Variants in MRPL1 observed in about 807,000 individuals in gnomAD.
MRPL1 encodes large ribosomal subunit protein uL1m.
MRPL1 carries 28 observed loss-of-function variants against 38.0 expected under a neutral mutation model. The observed-to-expected ratio is 0.74, with a 90% confidence interval of 0.55 to 1.01. The LOEUF (loss-of-function observed/expected upper bound fraction) is 1.01, where lower values mean the gene tolerates loss of function less well. MRPL1 is among the 50% of genes least tolerant of loss of function. MRPL1 has a pLI of 0.00. For missense variants in MRPL1, 358 were observed against 389.8 expected (o/e 0.92, Z 0.69); for synonymous variants, 123 against 126.7 (o/e 0.97, Z 0.20).
chr4:77,935,592 C>T (rs980089546), intron 7 of MRPL1, among the ~76,000 whole-genome samples: 6 of 152,148 alleles, frequency 3.9e-5, no homozygotes, highest in African/African-American at 7.2e-5. Context: ...GATAGGGTTT[C>T]GCCATGTTGG....
chr4:77,890,174 C>CA (rs1217030180), intron 5 of MRPL1, among the ~76,000 whole-genome samples: 1 of 151,872 alleles, frequency 6.6e-6, no homozygotes, highest in East Asian at 1.9e-4. Flanking sequence ...AGAGACACGA[C>CA]AAAAAAAGAG....
intron 5 of MRPL1, among the ~76,000 whole-genome samples, chr4:77,892,981 G>GGTGA (rs149811455): frequency 0.76 from 115,460 of 151,666 alleles, 44,672 homozygotes; most frequent in African/African-American, 0.9. Context: ...GTTAAGGAGA[G>GGTGA]GTATGTTATT....
At chr4:77,887,340 C>G in intron 5 of MRPL1, 49 bp downstream of exon 5, 1 of 1,381,888 alleles carries the variant, frequency 7.2e-7, no homozygotes, top group Non-Finnish European at 1.0e-6. Context: ...ATTCTGTTAT[C>G]TTTACCATTC....
intron 1 of MRPL1, among the ~76,000 whole-genome samples, chr4:77,866,299 G>GCC (rs1248183782): frequency 6.6e-6 from 1 of 152,146 alleles, no homozygotes; most frequent in Non-Finnish European, 1.5e-5. Context: ...TGATCCACCC[G>GCC]CCTCAGCATC....
chr4:77,888,234 G>C (rs1368027287), intron 5 of MRPL1, among the ~76,000 whole-genome samples: 2 of 152,216 alleles, frequency 1.3e-5, no homozygotes, highest in African/African-American at 4.8e-5. Context: ...GCTGGACGCA[G>C]TGGCTCATGC....
At chr4:77,868,610 T>C (rs1027337836) in intron 1 of MRPL1, among the ~76,000 whole-genome samples, 1 of 152,322 alleles carries the variant, frequency 6.6e-6, no homozygotes, top group Non-Finnish European at 1.5e-5. Context: ...GTTATACAAA[T>C]GTATATGAGA....
At chr4:77,887,688 G>A (rs1735714380) in intron 5 of MRPL1, among the ~76,000 whole-genome samples, 1 of 151,898 alleles carries the variant, frequency 6.6e-6, no homozygotes, top group Admixed American at 6.6e-5. Flanking sequence ...ACTGCACTCG[G>A]CTAATTTTTT....
chr4:77,944,191 AGG>A (rs1277139604), intron 7 of MRPL1, among the ~76,000 whole-genome samples: 1 of 152,186 alleles, frequency 6.6e-6, no homozygotes, highest in Non-Finnish European at 1.5e-5. Context: ...ACCAGGCTCC[AGG>A]CTGGTACTGG....
chr4:77,938,788 A>G (rs982514142), intron 7 of MRPL1, among the ~76,000 whole-genome samples: 2 of 152,306 alleles, frequency 1.3e-5, no homozygotes, highest in Non-Finnish European at 2.9e-5. Flanking sequence ...CACACATGGT[A>G]TAAGCATATG....
At chr4:77,938,723 A>G (rs115377310) in intron 7 of MRPL1, among the ~76,000 whole-genome samples, 2,790 of 152,102 alleles carry the variant, frequency 0.018, 86 homozygotes, top group African/African-American at 0.064. Flanking sequence ...AGTTGTAGCA[A>G]CTCTGCTGTC....
intron 7 of MRPL1, among the ~76,000 whole-genome samples, chr4:77,928,230 C>A (rs1019113954): frequency 6.6e-6 from 1 of 152,066 alleles, no homozygotes; most frequent in African/African-American, 2.4e-5. Flanking sequence ...AATTAGAGAG[C>A]CTTTGGTTTT....
At position 77,916,556 on chromosome 4, in the gene MRPL1, A is replaced by G. The variant is rs1367215790; in HGVS notation, c.777+7184A>G. Among the ~76,000 whole-genome samples, 4 of 152,306 alleles carry G rather than the reference A, an allele frequency of 2.6e-5. No homozygotes were observed. In the East Asian group the frequency reaches 7.7e-4, roughly 29 times the overall value. On this transcript the variant is annotated intron_variant, in intron 7 of 8. Transcript: ENST00000315567. The stretch of plus-strand genomic sequence containing the variant: ...GCACCCTTATAAAATTCATTTAATT[A>G]TATTATGCCACACATACTATTCTGT...
chr4:77,912,699 T>A (rs1355042412), intron 7 of MRPL1, among the ~76,000 whole-genome samples: 1 of 152,172 alleles, frequency 6.6e-6, no homozygotes, highest in Non-Finnish European at 1.5e-5. Flanking sequence ...ACTGACTAGC[T>A]GATTCTAAAA....
intron 2 of MRPL1, among the ~76,000 whole-genome samples, chr4:77,878,483 T>A (rs1389133118): frequency 1.3e-5 from 2 of 152,180 alleles, no homozygotes; most frequent in African/African-American, 4.8e-5. Flanking sequence ...AATGTCCCAA[T>A]GTAAAGGATT....
rs141891312 is a variant in MRPL1, at chr4:77,915,098, A to G, written c.777+5726A>G. On this transcript the variant is annotated intron_variant, in intron 7 of 8. Transcript: ENST00000315567. The stretch of plus-strand genomic sequence containing the variant: ...TGAAATGGATTAGTTTTGTGTGTCT[A>G]CTTACCTGTACAGGAGAGACTCTCA... Among the ~76,000 whole-genome samples the G allele has an allele frequency of 1.1e-3, 174 of 152,262 alleles. 1 individual carries two copies. Among genetic ancestry groups the G allele is most frequent in the African/African-American group, 4.1e-3 (172 of 41,548 alleles).
intron 7 of MRPL1, among the ~76,000 whole-genome samples, chr4:77,937,474 G>A (rs961753322): frequency 6.6e-6 from 1 of 152,206 alleles, no homozygotes; most frequent in Non-Finnish European, 1.5e-5. Flanking sequence ...CTGAAGAGGA[G>A]ATTAAGGGGG....
At chr4:77,875,387 G>C (rs920379517) in intron 2 of MRPL1, among the ~76,000 whole-genome samples, 1 of 151,644 alleles carries the variant, frequency 6.6e-6, no homozygotes, top group Non-Finnish European at 1.5e-5. Context: ...GGCTGGGTGT[G>C]GTGGCCCATG....
At chr4:77,897,098 C>A (rs1459595425) in intron 6 of MRPL1, among the ~76,000 whole-genome samples, 1 of 151,744 alleles carries the variant, frequency 6.6e-6, no homozygotes, top group African/African-American at 2.4e-5. Context: ...TCAGAGTTTC[C>A]CTCTGTCGCC....
At chr4:77,877,654 C>A (rs1412733617) in intron 2 of MRPL1, among the ~76,000 whole-genome samples, 2 of 149,322 alleles carry the variant, frequency 1.3e-5, no homozygotes, top group South Asian at 2.1e-4. Flanking sequence ...TGCAGCTGGA[C>A]CTTGGGGTTG....
Sources: gnomAD v4.1 joint callset for allele counts (sites outside exome capture counted in the v4.1 genomes callset) on GRCh38, gnomAD v4.1.1 for gene constraint, MANE v1.5 for transcripts, NCBI Gene and HGNC (gene_info 2026-07-23, HGNC 2026-07-21) for gene names.